The following DMD variants were observed in gnomAD, a reference collection of about 807,000 sequenced individuals.
The protein encoded by DMD is dystrophin, also known as mutant dystrophin.
Under a neutral mutation model 330.1 loss-of-function variants are expected in DMD, and 63 were observed. The ratio of observed to expected loss-of-function variants is 0.19; its 90% CI spans 0.16 to 0.24. The LOEUF is 0.24. Ranked by LOEUF, DMD falls within the 10% of genes least tolerant of loss-of-function variation. The pLI, the probability that DMD is intolerant of heterozygous loss-of-function variation, is 1.00. For missense variants in DMD, 3,344 were observed against 2,684.1 expected (o/e 1.25, Z -5.43); for synonymous variants, 1,223 against 959.8 (o/e 1.27, Z -5.07).
chrX:32,502,652 C>T (rs1198057272), intron 18 of DMD, among the ~76,000 whole-genome samples: 4 of 111,905 alleles, frequency 3.6e-5, no homozygotes, highest in East Asian at 2.8e-4. Context: ...AACTATAACG[C>T]AATTAAAATA....
intron 52 of DMD, among the ~76,000 whole-genome samples, chrX:31,694,625 T>TAC: frequency 1.2e-5 from 1 of 86,124 alleles, no homozygotes; most frequent in Middle Eastern, 5.9e-3. Flanking sequence ...AGCATATATA[T>TAC]ATATATATAT....
chrX:32,386,877 G>GTTAC (rs1409888964), intron 32 of DMD, among the ~76,000 whole-genome samples: 28 of 109,892 alleles, frequency 2.5e-4, no homozygotes, highest in African/African-American at 8.6e-4. Context: ...TTATTGAGTG[G>GTTAC]TTACTATCAA....
At chrX:31,779,920 G>A (rs773922165) in intron 50 of DMD, among the ~76,000 whole-genome samples, 4 of 112,200 alleles carry the variant, frequency 3.6e-5, no homozygotes, top group African/African-American at 1.3e-4. Flanking sequence ...TGGCACACCA[G>A]AATGGTAGCA....
chrX:33,222,024 C>T (rs1350439171), intron 1 of DMD, among the ~76,000 whole-genome samples: 1 of 111,649 alleles, frequency 9.0e-6, no homozygotes, highest in Non-Finnish European at 1.9e-5. Flanking sequence ...TTTTCCAGAA[C>T]ATGGAAGGGA....
intron 27 of DMD, among the ~76,000 whole-genome samples, chrX:32,444,622 T>C (rs2098296072): frequency 1.8e-5 from 2 of 110,941 alleles, no homozygotes; most frequent in Non-Finnish European, 3.8e-5. Context: ...GACTGGCAAG[T>C]GGAATTCACA....
At chrX:32,819,001 AGGT>A (rs1349798583) in intron 5 of DMD, among the ~76,000 whole-genome samples, 10 of 76,375 alleles carry the variant, frequency 1.3e-4, no homozygotes. Flanking sequence ...GCCCTTCTAC[AGGT>A]GTTTTTTTTT....
At chrX:32,731,992 G>A (rs1020573129) in intron 7 of DMD, among the ~76,000 whole-genome samples, 4 of 111,428 alleles carry the variant, frequency 3.6e-5, no homozygotes, top group Non-Finnish European at 7.5e-5. Flanking sequence ...CAAACCAAAG[G>A]CAAAGAAGTT....
intron 43 of DMD, among the ~76,000 whole-genome samples, chrX:32,272,603 C>T (rs1225679449): frequency 9.0e-6 from 1 of 111,582 alleles, no homozygotes; most frequent in African/African-American, 3.3e-5. Flanking sequence ...GAATTCATAA[C>T]TGGGGTCACG....
intron 44 of DMD, among the ~76,000 whole-genome samples, chrX:32,159,236 A>C (rs758692467): frequency 1.8e-5 from 2 of 112,338 alleles, no homozygotes; most frequent in South Asian, 7.4e-4. Flanking sequence ...ACTTTGTCTT[A>C]TCAACAGGTT....
intron 9 of DMD, among the ~76,000 whole-genome samples, chrX:32,663,806 G>C (rs1393585621): frequency 9.0e-6 from 1 of 111,683 alleles, no homozygotes; most frequent in East Asian, 2.8e-4. Flanking sequence ...AAATATCATT[G>C]AGAAAAAGAT....
intron 12 of DMD, among the ~76,000 whole-genome samples, chrX:32,605,165 G>A (rs2056582722): frequency 9.0e-6 from 1 of 111,232 alleles, no homozygotes; most frequent in Non-Finnish European, 1.9e-5. Context: ...AAAGGCTACA[G>A]TAACCAAAAC....
At chrX:31,744,981 C>T (rs963796455) in intron 51 of DMD, among the ~76,000 whole-genome samples, 3 of 111,751 alleles carry the variant, frequency 2.7e-5, no homozygotes, top group South Asian at 3.7e-4. Context: ...TGCTCGCACA[C>T]GCAGTTACCC....
At chrX:32,292,630 A>C (rs2148486115) in intron 42 of DMD, among the ~76,000 whole-genome samples, 1 of 111,717 alleles carries the variant, frequency 9.0e-6, no homozygotes, top group South Asian at 3.8e-4. Context: ...ATCATTTGTA[A>C]GTTGGAGACT....
intron 1 of DMD, among the ~76,000 whole-genome samples, chrX:33,045,315 TAC>T (rs55970492): frequency 2.1e-4 from 20 of 96,638 alleles, no homozygotes; most frequent in South Asian, 1.1e-3. Context: ...CACAGGTGCG[TAC>T]ACACACACAC....
chrX:31,980,559 G>T (rs1360476391), intron 44 of DMD, among the ~76,000 whole-genome samples: 1 of 111,541 alleles, frequency 9.0e-6, no homozygotes, highest in Admixed American at 9.5e-5. Context: ...GCTTTCTGAG[G>T]TAATGGAAAT....
intron 7 of DMD, among the ~76,000 whole-genome samples, chrX:32,786,076 G>T (rs112382490): frequency 0.067 from 6,383 of 95,583 alleles, 190 homozygotes; most frequent in Non-Finnish European, 0.092. Flanking sequence ...GCCTCTTGAG[G>T]AGGAATAAGA....
intron 3 of DMD, among the ~76,000 whole-genome samples, chrX:32,847,007 A>AT (rs1389425440): frequency 9.0e-6 from 1 of 110,950 alleles, no homozygotes; most frequent in Non-Finnish European, 1.9e-5. Flanking sequence ...TTCCATCAAA[A>AT]TAAAAAAAAA....
At chrX:32,291,901 C>G (rs1476541120) in intron 42 of DMD, among the ~76,000 whole-genome samples, 2 of 111,892 alleles carry the variant, frequency 1.8e-5, no homozygotes, top group East Asian at 5.6e-4. Context: ...TAGTAACTGT[C>G]TTAAAGGGTG....
chrX:31,604,313 T>C (rs917624883), intron 55 of DMD, among the ~76,000 whole-genome samples: 8 of 111,842 alleles, frequency 7.2e-5, no homozygotes, highest in Admixed American at 1.9e-4. Flanking sequence ...GCTATCTCCA[T>C]GGGCTTATTT....
Sources: gnomAD v4.1 joint callset for allele counts (sites outside exome capture counted in the v4.1 genomes callset) on GRCh38, gnomAD v4.1.1 for gene constraint, MANE v1.5 for transcripts, NCBI Gene and HGNC (gene_info 2026-07-23, HGNC 2026-07-21) for gene names.